The following ADD2 variants were observed in gnomAD, a reference collection of about 807,000 sequenced individuals.
The protein encoded by ADD2 is adducin 2, also known as beta-adducin.
In ADD2, 23 loss-of-function variants were observed where a neutral mutation model predicts 83.0. That is an observed-to-expected ratio of 0.28 (90% CI 0.20 to 0.39). ADD2 has a LOEUF of 0.39. Among genes scored for constraint, ADD2 ranks in the 10% least tolerant of loss-of-function variants. The pLI is 1.00. For missense variants in ADD2, 758 were observed against 944.9 expected, an observed-to-expected ratio of 0.80 and a Z score of 2.59; for synonymous variants, 375 against 375.4, an observed-to-expected ratio of 1.00 and a Z score of 0.01.
chr2:70,746,570 T>TG (rs1674209927), intron 1 of ADD2, among the ~76,000 whole-genome samples: 3 of 152,078 alleles, frequency 2.0e-5, no homozygotes, highest in Admixed American at 1.3e-4. Flanking sequence ...TGCTAGTACT[T>TG]GGGGGCAATT....
intron 15 of ADD2, among the ~76,000 whole-genome samples, chr2:70,667,741 C>T (rs1669704975): frequency 6.6e-6 from 1 of 152,114 alleles, no homozygotes; most frequent in South Asian, 2.1e-4. Context: ...GCCTCAGCCT[C>T]CCGAGTAGCT....
At chr2:70,673,680 T>A (rs1347114772) in intron 14 of ADD2, among the ~76,000 whole-genome samples, 1 of 152,120 alleles carries the variant, frequency 6.6e-6, no homozygotes, top group East Asian at 1.9e-4. Flanking sequence ...CACTGTAACC[T>A]CCGCCTTCTG....
chr2:70,711,264 A>C (rs1672162539), intron 2 of ADD2: 1 of 152,180 alleles, frequency 6.6e-6, no homozygotes, highest in Non-Finnish European at 1.5e-5. Flanking sequence ...AAATGCCCAA[A>C]AGACAGTAGG....
intron 9 of ADD2, among the ~76,000 whole-genome samples, chr2:70,684,064 T>A (rs1381874111): frequency 2.0e-5 from 3 of 152,184 alleles, no homozygotes; most frequent in African/African-American, 7.2e-5. Context: ...GAATTGTGAT[T>A]GTATCTGGGG....
intron 1 of ADD2, among the ~76,000 whole-genome samples, chr2:70,719,653 T>C (rs573616206): frequency 6.6e-6 from 1 of 152,288 alleles, no homozygotes; most frequent in South Asian, 2.1e-4. Context: ...TTGGAAACTA[T>C]GCAGATAAAA....
chr2:70,767,464 G>T, intron 1 of ADD2: 1 of 242,744 alleles, frequency 4.1e-6, no homozygotes, highest in Non-Finnish European at 6.6e-6. Flanking sequence ...AGCCCGCCTC[G>T]CACCGCTACC....
chr2:70,758,742 G>A (rs1387897616), intron 1 of ADD2, among the ~76,000 whole-genome samples: 1 of 152,184 alleles, frequency 6.6e-6, no homozygotes, highest in East Asian at 1.9e-4. Context: ...TAAGGCTGCA[G>A]TGAGCCATGA....
chr2:70,745,127 A>G (rs1027002331), intron 1 of ADD2, among the ~76,000 whole-genome samples: 6 of 152,034 alleles, frequency 3.9e-5, no homozygotes, highest in Admixed American at 6.6e-5. Flanking sequence ...TCTACTAAAA[A>G]TACAAAAAAT....
Position 70,676,490 on chromosome 2 carries a change from G to A in ADD2, c.1593+306C>T, listed in dbSNP as rs1670147553. The A allele has an allele frequency of 3.7e-6, 5 of 1,339,782 alleles. No individual in the cohort carries two copies. Among genetic ancestry groups the A allele is most frequent in the Middle Eastern group, 2.8e-4 (1 of 3,538 alleles). The allele number at this position is 1,339,782 out of a possible 1,614,324, so 83.0% of individuals were successfully genotyped here. ...AGCCTATGAGTCCCCACTTCACGGG[G>A]TAGTAAGGGAGGACAGAGTGGAGTT... On this transcript the variant is annotated intron_variant, in intron 13 of 15. Transcript: ENST00000264436. This position sits in a 1 kb window ranked among gnomAD's most constrained non-coding sequence, Gnocchi z 4.8.
chr2:70,692,275 G>T, intron 7 of ADD2, 128 bp downstream of exon 7: 2 of 1,105,288 alleles, frequency 1.8e-6, no homozygotes, highest in Non-Finnish European at 2.4e-6. Context: ...GCGTTTCCAC[G>T]TTGGGAGTTC....
At chr2:70,669,664 G>A (rs1447794802) in intron 15 of ADD2, among the ~76,000 whole-genome samples, 1 of 152,244 alleles carries the variant, frequency 6.6e-6, no homozygotes, top group Non-Finnish European at 1.5e-5. Flanking sequence ...GGCTGGCCCT[G>A]TGGCTGGCAA....
rs147215313 is a variant in ADD2 at position 70,755,725 on chromosome 2, T to A, written c.-154+12161A>T. On this transcript the variant is annotated intron_variant, in intron 1 of 15. Coordinates refer to ENST00000264436, the MANE Select transcript of ADD2 (RefSeq NM_001617.4). ...CCCTCCCTCCCTCTCCTCATAAAAA[T>A]GAACAGTGGGGCTGCTATCCAGGTC... 1.1e-4 allele frequency among the ~76,000 whole-genome samples: 17 copies of A among 152,254 alleles called. 1 individual carries two copies. In the East Asian group the frequency reaches 3.3e-3, roughly 29 times the overall value.
At chr2:70,708,025 G>A (rs1489270956) in intron 2 of ADD2, among the ~76,000 whole-genome samples, 1 of 152,218 alleles carries the variant, frequency 6.6e-6, no homozygotes, top group Non-Finnish European at 1.5e-5. Context: ...CTGATGTCCA[G>A]TAGAGCATAT....
intron 1 of ADD2, chr2:70,767,671 G>A: frequency 7.3e-7 from 1 of 1,373,690 alleles, no homozygotes; most frequent in Non-Finnish European, 9.3e-7. Flanking sequence ...TTGCAGCCCC[G>A]ATTTCCTAAG....
intron 1 of ADD2, among the ~76,000 whole-genome samples, chr2:70,754,104 G>C (rs1201757306): frequency 6.6e-5 from 10 of 152,152 alleles, no homozygotes; most frequent in African/African-American, 1.7e-4. Flanking sequence ...CCTCAAGGGA[G>C]GGAGTTCCTA....
intron 1 of ADD2, among the ~76,000 whole-genome samples, chr2:70,726,236 CATG>C (rs1370598043): frequency 6.7e-6 from 1 of 148,784 alleles, no homozygotes; most frequent in East Asian, 2.0e-4. Flanking sequence ...TCAGCAGCAC[CATG>C]ATGACAAAGG....
At chr2:70,695,129 GC>G (rs1357219312) in intron 6 of ADD2, among the ~76,000 whole-genome samples, 9 of 152,142 alleles carry the variant, frequency 5.9e-5, no homozygotes, top group African/African-American at 2.2e-4. Flanking sequence ...CCTGGCAGAA[GC>G]CCCCAAGGTA....
At chr2:70,741,368 A>G (rs1161836863) in intron 1 of ADD2, 1 of 152,234 alleles carries the variant, frequency 6.6e-6, no homozygotes, top group Admixed American at 6.5e-5. Context: ...CCTTTGATTA[A>G]GAGTCTGATG....
intron 1 of ADD2, among the ~76,000 whole-genome samples, chr2:70,749,748 A>G (rs1674413604): frequency 6.6e-6 from 1 of 152,190 alleles, no homozygotes; most frequent in African/African-American, 2.4e-5. Context: ...GAAATGGAGT[A>G]GCTGCAAACT....
Sources: gnomAD v4.1 joint callset for allele counts (sites outside exome capture counted in the v4.1 genomes callset) on GRCh38, gnomAD v4.1.1 for gene constraint, Gnocchi (gnomAD v3.1) non-coding constraint, MANE v1.5 for transcripts, NCBI Gene and HGNC (gene_info 2026-07-23, HGNC 2026-07-21) for gene names.